C4orf51: variants seen among roughly 807,000 people sequenced by gnomAD.
The protein encoded by C4orf51 is uncharacterized protein C4orf51.
In C4orf51, 25 loss-of-function variants were observed where a neutral mutation model predicts 25.2. That is an observed-to-expected ratio of 0.99 (90% CI 0.72 to 1.39). The LOEUF is 1.39. C4orf51 is among the 40% of genes most tolerant of loss of function. The probability of loss-of-function intolerance (pLI) is 0.00; values close to 1 mark genes in which losing one functional copy is unlikely to be tolerated. For synonymous variants in C4orf51, 100 were observed against 84.5 expected (o/e 1.18, Z -1.01); for missense variants, 252 against 239.6 (o/e 1.05, Z -0.34).
intron 5 of C4orf51, 24 bp from the exon 6 acceptor site, chr4:145,732,429 G>A: frequency 6.5e-7 from 1 of 1,531,248 alleles, no homozygotes; most frequent in South Asian, 1.2e-5. Context: ...AGCGAGTGTT[G>A]ACAACCAGGC....
the C4orf51 span, among the ~76,000 whole-genome samples, chr4:145,776,631 C>T: frequency 6.6e-6 from 1 of 151,964 alleles, no homozygotes; most frequent in East Asian, 1.9e-4. Context: ...TGTGTGTACC[C>T]CATGTGTCAG....
At chr4:145,736,572 G>A (rs1314686031), downstream of C4orf51, among the ~76,000 whole-genome samples, 1 of 152,120 alleles carries the variant, frequency 6.6e-6, no homozygotes, top group African/African-American at 2.4e-5. Flanking sequence ...TGGCTTTCGA[G>A]TGCACATGCC....
At chr4:145,714,544 T>C (rs113960219) in intron 2 of C4orf51, among the ~76,000 whole-genome samples, 1 of 152,222 alleles carries the variant, frequency 6.6e-6, no homozygotes, top group African/African-American at 2.4e-5. Context: ...CTCATTTGGT[T>C]CATGTGCTGT....
In C4orf51 at chr4:145,713,934, C is replaced by T. The variant is rs565043021; in HGVS notation, c.308-12977C>T. Among the ~76,000 whole-genome samples the T allele has an allele frequency of 3.0e-4, 45 of 152,226 alleles. 1 individual carries two copies. Among genetic ancestry groups the T allele is most frequent in the African/African-American group, 1.0e-3 (42 of 41,530 alleles). On this transcript the variant is annotated intron_variant, in intron 2 of 5. Coordinates refer to ENST00000438731, the MANE Select transcript of C4orf51 (RefSeq NM_001080531.3). ...AGTAGCTGGGATTATAGGCACCTGC[C>T]ACCATGCCTGGCCAATTTTTGTATT...
chr4:145,773,582 CT>C (rs1185519771), downstream of C4orf51, among the ~76,000 whole-genome samples: 7 of 152,232 alleles, frequency 4.6e-5, no homozygotes, highest in South Asian at 1.0e-3. Context: ...CTCATTCTCA[CT>C]TAATGACTCC....
At chr4:145,789,289 C>T in the C4orf51 span, among the ~76,000 whole-genome samples, 274 of 152,220 alleles carry the variant, frequency 1.8e-3, no homozygotes, top group African/African-American at 6.3e-3. Context: ...TGTGGTTAAG[C>T]TGAACATGAT....
chr4:145,766,430 G>T (rs953221740), intron 1 of C4orf51, among the ~76,000 whole-genome samples: 1 of 152,170 alleles, frequency 6.6e-6, no homozygotes, highest in Non-Finnish European at 1.5e-5. Flanking sequence ...AAGAAAAGTG[G>T]CCCCTGAGAG....
At chr4:145,692,746 G>C (rs1408250409) in intron 1 of C4orf51, among the ~76,000 whole-genome samples, 1 of 152,122 alleles carries the variant, frequency 6.6e-6, no homozygotes, top group African/African-American at 2.4e-5. Flanking sequence ...CTCAATCAGA[G>C]GCCCTAAAAT....
At chr4:145,771,971 C>T (rs1455278481), downstream of C4orf51, among the ~76,000 whole-genome samples, 1 of 152,136 alleles carries the variant, frequency 6.6e-6, no homozygotes, top group Non-Finnish European at 1.5e-5. Context: ...AGATGGAGGT[C>T]CAGAGAAGTT....
chr4:145,789,255 C>T, the C4orf51 span, among the ~76,000 whole-genome samples: 179 of 152,270 alleles, frequency 1.2e-3, 1 homozygote, highest in African/African-American at 4.1e-3. Context: ...GGGGGAAAAA[C>T]AGATCCATAA....
At chr4:145,747,046 G>A (rs544339811) in intron 1 of C4orf51, among the ~76,000 whole-genome samples, 43 of 152,064 alleles carry the variant, frequency 2.8e-4, no homozygotes, top group Middle Eastern at 3.4e-3. Context: ...ATTTTTGTAC[G>A]TTGATTTTGT....
At chr4:145,776,931 A>G in the C4orf51 span, among the ~76,000 whole-genome samples, 2 of 152,216 alleles carry the variant, frequency 1.3e-5, no homozygotes, top group Non-Finnish European at 2.9e-5. Flanking sequence ...TTGATTAATC[A>G]AGCAAATTAA....
At chr4:145,726,780 A>G (rs1732086328) in intron 2 of C4orf51, 131 bp from the exon 3 acceptor site, 1 of 703,184 alleles carries the variant, frequency 1.4e-6, no homozygotes, top group Admixed American at 2.3e-5. Flanking sequence ...TGTAACTATA[A>G]TTTTTGGTTA....
the C4orf51 span, among the ~76,000 whole-genome samples, chr4:145,781,195 C>CAAAAAAAAAAAAAAAAAAAAGA: frequency 7.1e-5 from 4 of 56,546 alleles, no homozygotes; most frequent in South Asian, 1.1e-3. Context: ...GACACCATCT[C>CAAAAAAAAAAAAAAAAAAAAGA]AAAAAAAAAA....
chr4:145,781,222 A>G, the C4orf51 span, among the ~76,000 whole-genome samples: 1 of 136,576 alleles, frequency 7.3e-6, no homozygotes, highest in Non-Finnish European at 1.6e-5. Flanking sequence ...AAAAAAGAAA[A>G]AAAAAGAAAA....
intron 1 of C4orf51, among the ~76,000 whole-genome samples, chr4:145,743,392 A>G (rs1379342964): frequency 6.6e-6 from 1 of 152,164 alleles, no homozygotes; most frequent in Admixed American, 6.5e-5. Context: ...AAGAGAACAC[A>G]TGAGAGACAG....
At chr4:145,733,097 C>T (rs1486588275), downstream of C4orf51, among the ~76,000 whole-genome samples, 4 of 152,122 alleles carry the variant, frequency 2.6e-5, no homozygotes, top group Non-Finnish European at 5.9e-5. Flanking sequence ...GTGGCCCTCC[C>T]GTCCCGGCTC....
At chr4:145,726,022 C>T (rs1732034910) in intron 2 of C4orf51, among the ~76,000 whole-genome samples, 1 of 152,262 alleles carries the variant, frequency 6.6e-6, no homozygotes, top group South Asian at 2.1e-4. Flanking sequence ...GCAGTCTTGC[C>T]TCTCTCTAAT....
rs1365312441 is a variant in C4orf51, at chr4:145,763,021, A to G, written n.167-7967A>G. 1.4e-6 allele frequency: 2 copies of G among 1,422,362 alleles called. No individual in the cohort carries two copies. The highest frequency in any genetic ancestry group is 1.3e-5 in the South Asian group (1 of 79,690). 88.1% of individuals were successfully genotyped at this position (1,422,362 alleles called of 1,614,324 possible). On this transcript the variant is annotated intron_variant and non_coding_transcript_variant, in intron 1 of 1. Coordinates refer to the C4orf51 transcript ENST00000510096. This position sits in a 1 kb window ranked among gnomAD's most constrained non-coding sequence, Gnocchi z 4.6. ...AACCTCAGCTCACAGAAGAGTGCAC[A>G]CGAGAGAAATATAAAGCCCATTCCC...
Sources: allele counts gnomAD v4.1 joint callset (sites outside exome capture counted in the v4.1 genomes callset), GRCh38; gene constraint gnomAD v4.1.1; non-coding constraint Gnocchi (gnomAD v3.1); transcripts MANE v1.5; gene names NCBI Gene and HGNC (gene_info 2026-07-23, HGNC 2026-07-21).